EDNRA: variants seen among roughly 807,000 people sequenced by gnomAD.
The protein encoded by EDNRA is endothelin-1 receptor.
In EDNRA, 11 loss-of-function variants were observed where a neutral mutation model predicts 41.4. The ratio of observed to expected loss-of-function variants is 0.27; its 90% CI spans 0.17 to 0.44. EDNRA has a LOEUF of 0.44. Ranked by LOEUF, EDNRA falls within the 20% of genes least tolerant of loss-of-function variation. The probability of loss-of-function intolerance (pLI) is 1.00; values close to 1 mark genes in which losing one functional copy is unlikely to be tolerated. For missense variants in EDNRA, 294 were observed against 531.0 expected (o/e 0.55, Z 4.39); for synonymous variants, 172 against 183.0 (o/e 0.94, Z 0.49).
At chr4:147,540,741 C>T (rs979374309) in intron 7 of EDNRA, among the ~76,000 whole-genome samples, 7 of 152,096 alleles carry the variant, frequency 4.6e-5, no homozygotes, top group Non-Finnish European at 7.4e-5. Context: ...TTAGAACCCT[C>T]CTTTAGAGAG....
intron 7 of EDNRA, among the ~76,000 whole-genome samples, chr4:147,540,729 G>C (rs935821502): frequency 6.6e-6 from 1 of 152,166 alleles, no homozygotes; most frequent in Non-Finnish European, 1.5e-5. Context: ...TCACATGCCA[G>C]TTTAGAACCC....
At chr4:147,526,227 C>T (rs10003447) in intron 3 of EDNRA, among the ~76,000 whole-genome samples, 52,674 of 152,122 alleles carry the variant, frequency 0.35, 10,935 homozygotes, top group African/African-American at 0.59. Context: ...TGCTACCCCA[C>T]TTCTCTTTGA....
rs372976129 is a variant in EDNRA at position 147,516,836 on chromosome 4, T to C, written c.421-3015T>C. Among the ~76,000 whole-genome samples, 15 of 152,328 alleles carry C rather than the reference T, an allele frequency of 9.8e-5. No individual in the cohort carries two copies. In the East Asian group the frequency reaches 2.9e-3, roughly 29 times the overall value. On this transcript the variant is annotated intron_variant, in intron 2 of 7. Coordinates refer to ENST00000651419, the MANE Select transcript of EDNRA (RefSeq NM_001957.4). The stretch of plus-strand genomic sequence containing the variant: ...ATTCTCTTAAACAGTTACTTATTTA[T>C]TCCTCTCCTAGTCTATTTCATTAAC...
rs537141904 is a variant in EDNRA at position 147,486,797 on chromosome 4, C to T, written c.420+696C>T. Among the ~76,000 whole-genome samples, 51 of 151,210 alleles carry T rather than the reference C, an allele frequency of 3.4e-4. No individual in the cohort carries two copies. Among genetic ancestry groups the T allele is most frequent in the African/African-American group, 1.2e-3 (51 of 41,156 alleles). ...ACTGTGTGCCCACCCCTGAGCTAGG[C>T]AGTAAGGAACCAAAAAGAAACACAA... On this transcript the variant is annotated intron_variant, in intron 2 of 7. Transcript: ENST00000651419. The surrounding 1 kb of genome is among the most constrained non-coding windows in gnomAD (Gnocchi z 4.3).
intron 2 of EDNRA, among the ~76,000 whole-genome samples, chr4:147,498,223 A>G (rs1167745036): frequency 6.6e-6 from 1 of 152,236 alleles, no homozygotes; most frequent in Non-Finnish European, 1.5e-5. Flanking sequence ...AATCTCATGA[A>G]TAAGAGTTTA....
intron 2 of EDNRA, among the ~76,000 whole-genome samples, chr4:147,501,136 G>T (rs995714878): frequency 6.6e-6 from 1 of 152,200 alleles, no homozygotes; most frequent in Non-Finnish European, 1.5e-5. Flanking sequence ...GAAAAAGCTG[G>T]TATTAGAACC....
At chr4:147,536,073 T>A (rs201545052) in intron 5 of EDNRA, 44 bp downstream of exon 5, 12 of 1,608,594 alleles carry the variant, frequency 7.5e-6, no homozygotes, top group African/African-American at 1.3e-5. Context: ...GACTGGTTAG[T>A]CCTTGACAGC....
chr4:147,487,308 C>T (rs1021943221), intron 2 of EDNRA, among the ~76,000 whole-genome samples: 14 of 152,106 alleles, frequency 9.2e-5, no homozygotes, highest in African/African-American at 2.4e-4. Flanking sequence ...AAACTAAAGC[C>T]GAAGGAATTA....
chr4:147,483,910 AG>A (rs1377672390), intron 1 of EDNRA, among the ~76,000 whole-genome samples: 1 of 151,996 alleles, frequency 6.6e-6, no homozygotes, highest in South Asian at 2.1e-4. Context: ...TTGTAAAGAC[AG>A]GGTCTCACTA....
At chr4:147,521,041 G>A (rs944420829) in intron 3 of EDNRA, among the ~76,000 whole-genome samples, 1 of 152,110 alleles carries the variant, frequency 6.6e-6, no homozygotes, top group Non-Finnish European at 1.5e-5. Context: ...CTGACTTCTT[G>A]AGCCCAGGAG....
At chr4:147,515,015 C>T (rs565884677) in intron 2 of EDNRA, among the ~76,000 whole-genome samples, 69 of 152,288 alleles carry the variant, frequency 4.5e-4, no homozygotes, top group African/African-American at 1.5e-3. Flanking sequence ...ATCTGTGTTT[C>T]AATGAGCCCT....
intron 2 of EDNRA, chr4:147,489,253 C>T (rs1475492937): frequency 6.6e-6 from 1 of 151,922 alleles, no homozygotes; most frequent in Non-Finnish European, 1.5e-5. Flanking sequence ...TTTAGGGTAT[C>T]CATCACAAAA....
At chr4:147,518,971 C>T (rs567139461) in intron 2 of EDNRA, among the ~76,000 whole-genome samples, 1 of 152,282 alleles carries the variant, frequency 6.6e-6, no homozygotes, top group African/African-American at 2.4e-5. Context: ...TAGACAAATA[C>T]AGAGTACTGG....
chr4:147,533,450 G>T (rs1461267064), intron 4 of EDNRA, among the ~76,000 whole-genome samples: 2 of 152,120 alleles, frequency 1.3e-5, no homozygotes, highest in African/African-American at 2.4e-5. Flanking sequence ...TCTTAAATCA[G>T]TATAATTTAG....
rs935790018 is a variant in EDNRA at position 147,540,298 on chromosome 4, T to C, written c.1035-79T>C. The C allele has an allele frequency of 7.5e-6, 9 of 1,193,930 alleles. No homozygotes were observed. In the African/African-American group the frequency reaches 1.4e-4, roughly 19 times the overall value. The allele number at this position is 1,193,930 out of a possible 1,614,324, so 74.0% of individuals were successfully genotyped here. Reference sequence around the variant, plus strand: ...ATGGCTTCTGGGCAAGAAAAATGCTTATTCTAGGAAGAAATGCTAGTGAGC... The same window carrying C: ...ATGGCTTCTGGGCAAGAAAAATGCTCATTCTAGGAAGAAATGCTAGTGAGC... On this transcript the variant is annotated intron_variant, in intron 6 of 7. Transcript: ENST00000651419.
rs192190120 is a variant in EDNRA at position 147,485,937 on chromosome 4, A to C, written c.256A>C (p.Ile86Leu). 3 of 1,614,118 alleles carry C rather than the reference A, an allele frequency of 1.9e-6. No individual in the cohort carries two copies. Among genetic ancestry groups the C allele is most frequent in the Non-Finnish European group, 2.5e-6 (3 of 1,180,054 alleles). Residue 86 changes from isoleucine (I) to leucine (L), a missense_variant, in exon 2 of 8, where the codon ATA becomes CTA. This residue lies in a region of EDNRA where 90 missense variants were observed against 122.8 expected (regional missense o/e 0.73). Transcript: ENST00000651419. Reference sequence around the variant, plus strand: ...AGCTTTCAAATACATTAACACTGTGATATCTTGTACTATTTTCATCGTGGG... The same window carrying C: ...AGCTTTCAAATACATTAACACTGTGCTATCTTGTACTATTTTCATCGTGGG... ...TSAFKYINTV[I>L]SCTIFIVGMV...
At chr4:147,504,482 C>G (rs1371846518) in intron 2 of EDNRA, among the ~76,000 whole-genome samples, 1 of 152,000 alleles carries the variant, frequency 6.6e-6, no homozygotes, top group Non-Finnish European at 1.5e-5. Context: ...TCCTTTGTCA[C>G]GTGGAATATT....
chr4:147,506,329 A>G (rs1729715519), intron 2 of EDNRA: 4 of 432,636 alleles, frequency 9.2e-6, no homozygotes, highest in Middle Eastern at 3.6e-4. Context: ...AGCTCATCAG[A>G]TAAGCTGTCT....
chr4:147,507,796 T>G (rs1431948691), intron 2 of EDNRA, among the ~76,000 whole-genome samples: 1 of 152,206 alleles, frequency 6.6e-6, no homozygotes, highest in Non-Finnish European at 1.5e-5. Flanking sequence ...TTTCTCCACA[T>G]CCTCACCCCA....
Sources: gnomAD v4.1 joint callset for allele counts (sites outside exome capture counted in the v4.1 genomes callset) on GRCh38, gnomAD v4.1.1 for gene constraint, gnomAD v4.1.1 regional missense constraint, Gnocchi (gnomAD v3.1) non-coding constraint, MANE v1.5 for transcripts, NCBI Gene and HGNC (gene_info 2026-07-23, HGNC 2026-07-21) for gene names.